Variants in NT5C3A observed in about 807,000 individuals in gnomAD.
NT5C3A encodes 5'-nucleotidase, cytosolic IIIA, also known as cytosolic 5'-nucleotidase 3A.
A neutral mutation model predicts 40.0 loss-of-function variants in NT5C3A; 23 were observed. That is an observed-to-expected ratio of 0.58 (90% CI 0.41 to 0.81). NT5C3A has a LOEUF of 0.81. Among genes scored for constraint, NT5C3A ranks in the 40% least tolerant of loss-of-function variants. The probability of loss-of-function intolerance (pLI) is 0.00; values close to 1 mark genes in which losing one functional copy is unlikely to be tolerated. For missense variants in NT5C3A, 328 were observed against 403.0 expected, an observed-to-expected ratio of 0.81 and a Z score of 1.59; for synonymous variants, 130 against 141.4, an observed-to-expected ratio of 0.92 and a Z score of 0.57.
Position 33,019,728 on chromosome 7 carries a change from G to C in NT5C3A, c.441-4C>G. 6.5e-7 allele frequency: 1 copy of C among 1,539,706 alleles called. No homozygotes were observed. Among genetic ancestry groups the C allele is most frequent in the Non-Finnish European group, 9.0e-7 (1 of 1,115,346 alleles). On this transcript the variant is annotated splice_polypyrimidine_tract_variant and splice_region_variant and intron_variant, in intron 5 of 8. Coordinates refer to ENST00000610140, the MANE Select transcript of NT5C3A (RefSeq NM_001002010.5). Reference sequence around the variant, plus strand: ...CAAACCATGTGATTTAGTATACCTGGAGTTTATGACCAAAGGAAAAAAGAC... The same window carrying C: ...CAAACCATGTGATTTAGTATACCTGCAGTTTATGACCAAAGGAAAAAAGAC...
At chr7:33,030,968 G>A (rs1229802959) in intron 1 of NT5C3A, among the ~76,000 whole-genome samples, 1 of 151,918 alleles carries the variant, frequency 6.6e-6, no homozygotes, top group Non-Finnish European at 1.5e-5. Context: ...GCGAGGTGGC[G>A]GGCGCCTGTA....
intron 1 of NT5C3A, chr7:33,029,814 G>C (rs765561158): frequency 3.1e-6 from 2 of 645,278 alleles, no homozygotes; most frequent in Non-Finnish European, 4.8e-6. Context: ...TGATCTCCCC[G>C]CTTCAGCCTC....
At chr7:33,037,706 C>T (rs1343043081) in intron 1 of NT5C3A, among the ~76,000 whole-genome samples, 1 of 152,032 alleles carries the variant, frequency 6.6e-6, no homozygotes, top group Non-Finnish European at 1.5e-5. Flanking sequence ...AACACGATTT[C>T]CAAACAGTAA....
At chr7:33,057,130 C>G (rs931887433) in intron 1 of NT5C3A, among the ~76,000 whole-genome samples, 1 of 149,998 alleles carries the variant, frequency 6.7e-6, no homozygotes, top group Non-Finnish European at 1.5e-5. Context: ...GTTTTTTTAA[C>G]TGCTCCTTGA....
At chr7:33,021,648 A>G (rs1168850645) in intron 4 of NT5C3A, among the ~76,000 whole-genome samples, 1 of 152,208 alleles carries the variant, frequency 6.6e-6, no homozygotes, top group Non-Finnish European at 1.5e-5. Context: ...TTTGATTCAC[A>G]TTTCAAATTG....
At chr7:33,059,317 CTA>C (rs1252404524) in intron 1 of NT5C3A, among the ~76,000 whole-genome samples, 2 of 152,166 alleles carry the variant, frequency 1.3e-5, no homozygotes, top group African/African-American at 2.4e-5. Context: ...AATATATTAA[CTA>C]TTTCATGAAC....
intron 7 of NT5C3A, chr7:33,017,238 T>G: frequency 1.8e-6 from 1 of 561,256 alleles, no homozygotes; most frequent in Non-Finnish European, 3.1e-6. Context: ...GTCTATAGCT[T>G]GGGGAATGAA....
rs751646719 is a variant in NT5C3A, at chr7:33,015,819, C to A, written c.745G>T (p.Asp249Tyr). The change falls in exon 8 of 9, where the codon GAT becomes TAT. Residue 249 changes from aspartate to tyrosine, a missense_variant. Coordinates refer to ENST00000610140, the MANE Select transcript of NT5C3A (RefSeq NM_001002010.5). ...GELIHVFNKH[D>Y]GALRNTEYFN... ...TATTCTGTATTCCTCAAGGCACCAT[C>A]ATGTTTGTTAAATACATGAATTAGT... The A allele has an allele frequency of 1.2e-6, 2 of 1,611,164 alleles. No individual in the cohort carries two copies. Among genetic ancestry groups the A allele is most frequent in the Non-Finnish European group, 1.7e-6 (2 of 1,177,320 alleles).
chr7:33,036,705 T>C (rs1039652608), intron 1 of NT5C3A, among the ~76,000 whole-genome samples: 3 of 152,156 alleles, frequency 2.0e-5, no homozygotes, highest in Non-Finnish European at 2.9e-5. Flanking sequence ...TACTACCGAA[T>C]CAATATAGGA....
intron 3 of NT5C3A, among the ~76,000 whole-genome samples, chr7:33,023,202 G>A (rs1456550011): frequency 6.6e-6 from 1 of 152,036 alleles, no homozygotes; most frequent in Non-Finnish European, 1.5e-5. Context: ...GTGAGCCACT[G>A]TGCCTGGCGA....
intron 1 of NT5C3A, chr7:33,029,758 G>A (rs1196730040): frequency 9.2e-6 from 11 of 1,193,836 alleles, no homozygotes; most frequent in Non-Finnish European, 8.9e-6. Context: ...ATAGAGATAA[G>A]GTCTTGCTGT....
chr7:33,035,189 G>GTTTTTTTTTTTTTTTTTTTTTTTTTTTT (rs35769309), intron 1 of NT5C3A, among the ~76,000 whole-genome samples: 1 of 106,204 alleles, frequency 9.4e-6, no homozygotes. Flanking sequence ...TAAGGAATGA[G>GTTTTTTTTTTTTTTTTTTTTTTTTTTTT]TTTTTTTTTT....
At chr7:33,022,748 T>C (rs1785696390) in intron 3 of NT5C3A, among the ~76,000 whole-genome samples, 1 of 152,238 alleles carries the variant, frequency 6.6e-6, no homozygotes, top group Non-Finnish European at 1.5e-5. Context: ...ATATCATTTC[T>C]GCAGCATTAA....
intron 1 of NT5C3A, among the ~76,000 whole-genome samples, chr7:33,051,757 A>T (rs1787376159): frequency 6.6e-6 from 1 of 152,146 alleles, no homozygotes; most frequent in Admixed American, 6.5e-5. Flanking sequence ...TATCAGTTTA[A>T]TTGTATCAAA....
At chr7:33,053,820 T>C (rs1453903926) in intron 1 of NT5C3A, among the ~76,000 whole-genome samples, 8 of 151,968 alleles carry the variant, frequency 5.3e-5, no homozygotes, top group Non-Finnish European at 1.0e-4. Flanking sequence ...AGAAAAAAAA[T>C]TGTAAAGCTA....
intron 1 of NT5C3A, among the ~76,000 whole-genome samples, chr7:33,058,500 C>T (rs915301904): frequency 5.9e-5 from 9 of 152,230 alleles, no homozygotes; most frequent in South Asian, 2.1e-4. Flanking sequence ...GCACCCGCCA[C>T]GACGCCCAAC....
intron 1 of NT5C3A, among the ~76,000 whole-genome samples, chr7:33,058,619 G>C (rs1215766623): frequency 1.3e-5 from 2 of 152,208 alleles, no homozygotes; most frequent in Non-Finnish European, 2.9e-5. Flanking sequence ...CCAAAGTGCT[G>C]GGATTACAGG....
intron 1 of NT5C3A, among the ~76,000 whole-genome samples, chr7:33,038,264 G>A (rs900102270): frequency 2.6e-5 from 4 of 152,076 alleles, no homozygotes; most frequent in African/African-American, 9.7e-5. Context: ...TTCACACAGT[G>A]AAGAATTAAA....
chr7:33,043,319 C>T (rs568032480), intron 1 of NT5C3A, among the ~76,000 whole-genome samples: 3 of 152,238 alleles, frequency 2.0e-5, no homozygotes, highest in Admixed American at 6.5e-5. Context: ...AAATAGAATA[C>T]ATAAGACAGT....
Sources: allele counts gnomAD v4.1 joint callset (sites outside exome capture counted in the v4.1 genomes callset), GRCh38; gene constraint gnomAD v4.1.1; transcripts MANE v1.5; gene names NCBI Gene and HGNC (gene_info 2026-07-23, HGNC 2026-07-21).